Variants in GPC6 observed in about 807,000 individuals in gnomAD.
GPC6 encodes glypican-6.
In GPC6, 14 loss-of-function variants were observed where a neutral mutation model predicts 55.2. The ratio of observed to expected loss-of-function variants is 0.25; its 90% CI spans 0.17 to 0.40. GPC6 has a LOEUF of 0.40. Ranked by LOEUF, GPC6 falls within the 10% of genes least tolerant of loss-of-function variation. The pLI is 1.00. For synonymous variants in GPC6, 278 were observed against 259.6 expected (o/e 1.07, Z -0.68); for missense variants, 641 against 708.5 (o/e 0.90, Z 1.08).
intron 3 of GPC6, among the ~76,000 whole-genome samples, chr13:93,873,747 T>C (rs535646028): frequency 2.0e-5 from 3 of 152,088 alleles, no homozygotes; most frequent in South Asian, 4.2e-4. Context: ...CTGAAGACTT[T>C]TCAGATTTCA....
intron 1 of GPC6, among the ~76,000 whole-genome samples, chr13:93,317,083 G>A (rs576027378): frequency 4.6e-5 from 7 of 151,978 alleles, no homozygotes; most frequent in South Asian, 4.2e-4. Context: ...TGGGAGAGGC[G>A]GTCCCCATTC....
intron 2 of GPC6, among the ~76,000 whole-genome samples, chr13:93,552,364 A>T (rs901784304): frequency 2.6e-5 from 4 of 152,188 alleles, no homozygotes; most frequent in Non-Finnish European, 5.9e-5. Flanking sequence ...GAAAGAGAAG[A>T]TCCTGGTAGG....
chr13:93,485,148 G>A (rs3858835), intron 1 of GPC6, among the ~76,000 whole-genome samples: 120,889 of 152,122 alleles, frequency 0.79, 48,193 homozygotes, highest in East Asian at 0.99. Flanking sequence ...ATTAATTCTT[G>A]GACTAAGTTT....
At chr13:93,614,404 G>A (rs1173703470) in intron 2 of GPC6, among the ~76,000 whole-genome samples, 5 of 152,046 alleles carry the variant, frequency 3.3e-5, no homozygotes. Context: ...ATGTCTAGGT[G>A]CAGACTCCTC....
chr13:94,388,898 T>C (rs893722567), intron 7 of GPC6, among the ~76,000 whole-genome samples: 2 of 152,184 alleles, frequency 1.3e-5, no homozygotes, highest in African/African-American at 4.8e-5. Flanking sequence ...CTTCAACATG[T>C]GGATTTTGGT....
intron 2 of GPC6, among the ~76,000 whole-genome samples, chr13:93,814,128 A>G (rs1428213072): frequency 1.3e-5 from 2 of 152,170 alleles, no homozygotes; most frequent in African/African-American, 2.4e-5. Flanking sequence ...GATAGTGGAC[A>G]GGAGAAATAC....
intron 1 of GPC6, among the ~76,000 whole-genome samples, chr13:93,477,763 T>C (rs1027340089): frequency 1.3e-5 from 2 of 152,136 alleles, no homozygotes; most frequent in East Asian, 3.9e-4. Flanking sequence ...ATAAAATTAT[T>C]TTTTCTCCAA....
chr13:93,884,270 G>A (rs1185015383), intron 3 of GPC6, among the ~76,000 whole-genome samples: 1 of 151,976 alleles, frequency 6.6e-6, no homozygotes, highest in South Asian at 2.1e-4. Flanking sequence ...CATGGCCGTT[G>A]TCTTACTATA....
chr13:93,778,736 G>C (rs1415736787), intron 2 of GPC6, among the ~76,000 whole-genome samples: 2 of 152,124 alleles, frequency 1.3e-5, no homozygotes, highest in Non-Finnish European at 2.9e-5. Flanking sequence ...GCCCTACCCA[G>C]ATAAATCCCA....
At chr13:93,782,778 T>TATATATACATATATATATATATAA (rs1355051375) in intron 2 of GPC6, among the ~76,000 whole-genome samples, 2 of 152,122 alleles carry the variant, frequency 1.3e-5, no homozygotes, top group African/African-American at 2.4e-5. Flanking sequence ...AATCAAATTA[T>TATATATACATATATATATATATAA]ATATATACAT....
At chr13:94,378,220 A>G (rs1475739268) in intron 6 of GPC6, among the ~76,000 whole-genome samples, 2 of 152,054 alleles carry the variant, frequency 1.3e-5, no homozygotes, top group African/African-American at 4.8e-5. Flanking sequence ...TAATAATAAT[A>G]ATATCTCATC....
chr13:93,312,343 A>C (rs1387069901), intron 1 of GPC6, among the ~76,000 whole-genome samples: 1 of 152,166 alleles, frequency 6.6e-6, no homozygotes, highest in Non-Finnish European at 1.5e-5. Context: ...AAAGGGCCTT[A>C]TTCCCAAGTC....
chr13:94,357,468 C>G (rs1251902686), intron 6 of GPC6, among the ~76,000 whole-genome samples: 1 of 152,216 alleles, frequency 6.6e-6, no homozygotes, highest in Non-Finnish European at 1.5e-5. Context: ...ACTTATCCAT[C>G]AGAAGCTGCA....
At position 93,849,114 on chromosome 13, in the gene GPC6, T is replaced by C. The variant is rs74108892; in HGVS notation, c.711+18569T>C. On this transcript the variant is annotated intron_variant, in intron 3 of 8. Transcript: ENST00000377047. ...GGAAGGAACATGCCTTCCATCCTTA[T>C]CATTCCTCAGAGCAAGAACTATTGC... is the stretch of plus-strand genomic sequence containing the variant. Among the ~76,000 whole-genome samples, 5 of 152,220 alleles carry C rather than the reference T, an allele frequency of 3.3e-5. No individual in the cohort carries two copies. The South Asian group carries it at 6.2e-4, about 19-fold the overall frequency.
At chr13:93,661,579 A>G (rs934869937) in intron 2 of GPC6, among the ~76,000 whole-genome samples, 8 of 152,272 alleles carry the variant, frequency 5.3e-5, no homozygotes, top group African/African-American at 1.9e-4. Flanking sequence ...TAACTTACAG[A>G]AAGGAAGCAA....
chr13:93,408,324 A>C (rs965542710), intron 1 of GPC6, among the ~76,000 whole-genome samples: 2 of 152,166 alleles, frequency 1.3e-5, no homozygotes, highest in African/African-American at 2.4e-5. Context: ...AAGAGGTGAG[A>C]CATGATCTGG....
chr13:93,808,748 A>G (rs1295849932), intron 2 of GPC6, among the ~76,000 whole-genome samples: 1 of 152,178 alleles, frequency 6.6e-6, no homozygotes, highest in Non-Finnish European at 1.5e-5. Flanking sequence ...TGTGTTTCAG[A>G]CACTCTTTAT....
intron 4 of GPC6, among the ~76,000 whole-genome samples, chr13:94,271,382 G>GCGCGCA (rs1491286473): frequency 0.038 from 4,813 of 126,456 alleles, 103 homozygotes; most frequent in East Asian, 0.094. Context: ...GCGCGCGCGC[G>GCGCGCA]CACACACACA....
chr13:94,320,562 G>A (rs1465099101), intron 6 of GPC6, among the ~76,000 whole-genome samples: 1 of 152,108 alleles, frequency 6.6e-6, no homozygotes, highest in African/African-American at 2.4e-5. Context: ...GGGAACCCCG[G>A]CTGTATGTGG....
Sources: allele counts gnomAD v4.1 joint callset (sites outside exome capture counted in the v4.1 genomes callset), GRCh38; gene constraint gnomAD v4.1.1; transcripts MANE v1.5; gene names NCBI Gene and HGNC (gene_info 2026-07-23, HGNC 2026-07-21).